Variants in ETV6 observed in about 807,000 individuals in gnomAD.
ETV6 encodes the protein ETS variant transcription factor 6.
In ETV6, 16 loss-of-function variants were observed where a neutral mutation model predicts 51.1. The ratio of observed to expected loss-of-function variants is 0.31; its 90% CI spans 0.21 to 0.48. ETV6 has a LOEUF of 0.48. Ranked by LOEUF, ETV6 falls within the 20% of genes least tolerant of loss-of-function variation. ETV6 has a pLI of 0.99. For missense variants in ETV6, 458 were observed against 594.8 expected (o/e 0.77, Z 2.39); for synonymous variants, 240 against 224.1 (o/e 1.07, Z -0.64).
At chr12:11,769,580 G>A (rs968515013) in intron 2 of ETV6, among the ~76,000 whole-genome samples, 1 of 152,140 alleles carries the variant, frequency 6.6e-6, no homozygotes, top group African/African-American at 2.4e-5. Flanking sequence ...CATTTTTCCT[G>A]CAGAGAAATT....
rs947725065 is a variant in ETV6, at chr12:11,891,303, C to G, written c.*257C>G. 2.3e-6 allele frequency: 1 copy of G among 436,196 alleles called. No homozygotes were observed. The highest frequency in any genetic ancestry group is 4.0e-5 in the Admixed American group (1 of 25,294). The allele number at this position is 436,196 out of a possible 1,614,324, so 27.0% of individuals were successfully genotyped here. A position where few individuals can be genotyped will look rare whatever the true frequency, so the allele number is the denominator to read the frequency against. The stretch of plus-strand genomic sequence containing the variant: ...GTCACGTTTCCTTCTGATTTGGAAT[C>G]TCTCCATCTGTAATTCCTCACCCTC... On this transcript the variant is annotated 3_prime_UTR_variant, in exon 8 of 8. Coordinates refer to ENST00000396373, the MANE Select transcript of ETV6 (RefSeq NM_001987.5).
intron 3 of ETV6, chr12:11,840,555 G>T (rs1946374403): frequency 4.4e-6 from 2 of 455,318 alleles, no homozygotes; most frequent in African/African-American, 2.0e-5. Flanking sequence ...TACTCCTGGA[G>T]ACCTGCCAGA....
chr12:11,726,758 A>G (rs1650687327), intron 1 of ETV6, among the ~76,000 whole-genome samples: 1 of 152,252 alleles, frequency 6.6e-6, no homozygotes, highest in Non-Finnish European at 1.5e-5. Flanking sequence ...TGACAGAGCC[A>G]GACCCTGTCT....
intron 7 of ETV6, among the ~76,000 whole-genome samples, chr12:11,888,033 C>T (rs1947225307): frequency 6.6e-6 from 1 of 152,140 alleles, no homozygotes; most frequent in African/African-American, 2.4e-5. Flanking sequence ...TTCATGAGAT[C>T]TGGGAGACTA....
At chr12:11,784,427 C>G (rs368563600) in intron 2 of ETV6, among the ~76,000 whole-genome samples, 2 of 146,396 alleles carry the variant, frequency 1.4e-5, no homozygotes, top group African/African-American at 5.1e-5. Context: ...CCACTGCACT[C>G]GCGCCTGGGT....
Position 11,883,276 on chromosome 12 carries a change from CTTTTTTTTTTTTTTTTTT to C in ETV6, c.1010-1151_1010-1134del, listed in dbSNP as rs547786286. ...GGGAAGGTGTACATCATGTCTTCTT[CTTTTTTTTTTTTTTTTTT>C]TTTTTTTTTTTTTTTTTGAGACTGA... On this transcript the variant is annotated intron_variant, in intron 5 of 7. Transcript: ENST00000396373. Among the ~76,000 whole-genome samples the C allele has an allele frequency of 8.6e-4, 68 of 79,124 alleles. 1 individual carries two copies. Among genetic ancestry groups the C allele is most frequent in the African/African-American group, 3.8e-3 (51 of 13,562 alleles). 51.9% of individuals were successfully genotyped at this position (79,124 alleles called of 152,430 possible). A position where few individuals can be genotyped will look rare whatever the true frequency, so the allele number is the denominator to read the frequency against.
At chr12:11,661,553 C>G (rs942045034) in intron 1 of ETV6, among the ~76,000 whole-genome samples, 2 of 152,216 alleles carry the variant, frequency 1.3e-5, no homozygotes, top group Admixed American at 6.5e-5. Context: ...ATTCTTCAGG[C>G]TGGGTAAGTC....
chr12:11,824,204 C>A (rs907257337), intron 2 of ETV6, among the ~76,000 whole-genome samples: 2 of 152,174 alleles, frequency 1.3e-5, no homozygotes, highest in Admixed American at 1.3e-4. Context: ...ATAGCAAAAC[C>A]AAAACCCAGC....
intron 2 of ETV6, among the ~76,000 whole-genome samples, chr12:11,797,702 A>G (rs1283269171): frequency 6.6e-6 from 1 of 152,182 alleles, no homozygotes; most frequent in Non-Finnish European, 1.5e-5. Flanking sequence ...CTGAACTTCA[A>G]AGTAAAGGAG....
intron 5 of ETV6, among the ~76,000 whole-genome samples, chr12:11,881,907 C>G (rs1947102485): frequency 6.6e-6 from 1 of 152,188 alleles, no homozygotes; most frequent in Admixed American, 6.5e-5. Context: ...TCTCAAGGTA[C>G]TTAAGATGCT....
chr12:11,656,898 C>T (rs1374832343), intron 1 of ETV6, among the ~76,000 whole-genome samples: 3 of 151,970 alleles, frequency 2.0e-5, no homozygotes, highest in Non-Finnish European at 4.4e-5. Context: ...AACCATCTCT[C>T]ATGTACATCT....
chr12:11,855,489 A>G (rs1946619630), intron 4 of ETV6, among the ~76,000 whole-genome samples: 2 of 152,340 alleles, frequency 1.3e-5, no homozygotes, highest in South Asian at 4.1e-4. Flanking sequence ...CCTTAGGTGC[A>G]GATTACTAGG....
intron 2 of ETV6, among the ~76,000 whole-genome samples, chr12:11,807,087 A>G (rs751049696): frequency 3.3e-5 from 5 of 152,244 alleles, no homozygotes; most frequent in Admixed American, 1.3e-4. Context: ...GAGGGTCACA[A>G]ACGTCAGTTT....
intron 5 of ETV6, among the ~76,000 whole-genome samples, chr12:11,881,837 C>T (rs1947100425): frequency 6.6e-6 from 1 of 152,216 alleles, no homozygotes; most frequent in Admixed American, 6.5e-5. Flanking sequence ...TAGAATCATC[C>T]TCCTTCAAAT....
chr12:11,884,204 G>A (rs1489466193), intron 5 of ETV6, among the ~76,000 whole-genome samples: 1 of 152,206 alleles, frequency 6.6e-6, no homozygotes, highest in Non-Finnish European at 1.5e-5. Context: ...ATCATCATCT[G>A]TGGAGGGAGG....
At chr12:11,808,231 T>C (rs150136469) in intron 2 of ETV6, among the ~76,000 whole-genome samples, 20 of 152,380 alleles carry the variant, frequency 1.3e-4, no homozygotes, top group African/African-American at 4.8e-4. Context: ...TAAGCTGTTG[T>C]TGTCATGTGA....
intron 1 of ETV6, among the ~76,000 whole-genome samples, chr12:11,685,631 T>C (rs1348467238): frequency 6.6e-6 from 1 of 152,142 alleles, no homozygotes. Flanking sequence ...CATGTACATA[T>C]GAATGTGTAT....
chr12:11,649,828 GGAGAGACC>G lies in ETV6; in HGVS notation c.-298_-291del, dbSNP rs915217861. 2.0e-5 allele frequency: 3 copies of G among 151,612 alleles called. No individual in the cohort carries two copies. Among genetic ancestry groups the G allele is most frequent in the African/African-American group, 7.3e-5 (3 of 41,158 alleles). 9.4% of individuals were successfully genotyped at this position (151,612 alleles called of 1,614,324 possible). On this transcript the variant is annotated 5_prime_UTR_variant, in exon 1 of 8. An upstream open reading frame in the 5' UTR gains an earlier in-frame stop. Coordinates refer to ENST00000396373, the MANE Select transcript of ETV6 (RefSeq NM_001987.5). ...GCGGGGGCGCCGGCTGCGGGTGGGA[GGAGAGACC>G]GGGAGGCCGGCCGGGCTGCGTCCCG...
chr12:11,723,378 C>G (rs1368937095), intron 1 of ETV6, among the ~76,000 whole-genome samples: 1 of 152,132 alleles, frequency 6.6e-6, no homozygotes, highest in South Asian at 2.1e-4. Flanking sequence ...AACGCACTCT[C>G]CCTCCTTTCC....
Sources: allele counts gnomAD v4.1 joint callset (sites outside exome capture counted in the v4.1 genomes callset), GRCh38; gene constraint gnomAD v4.1.1; transcripts MANE v1.5; gene names NCBI Gene and HGNC (gene_info 2026-07-23, HGNC 2026-07-21).